The following HYCC2 variants were observed in gnomAD, a reference collection of about 807,000 sequenced individuals.
The protein encoded by HYCC2 is hyccin PI4KA lipid kinase complex subunit 2, also known as hyccin 2.
At chr2:201,047,138 G>GA in the HYCC2 span, among the ~76,000 whole-genome samples, 1 of 152,102 alleles carries the variant, frequency 6.6e-6, no homozygotes, top group Non-Finnish European at 1.5e-5. Flanking sequence ...CTCTAGAACC[G>GA]AAAAATACAA....
At chr2:201,020,181 T>G in the HYCC2 span, among the ~76,000 whole-genome samples, 44 of 152,196 alleles carry the variant, frequency 2.9e-4, no homozygotes, top group Admixed American at 5.9e-4. Flanking sequence ...TAAATGATTC[T>G]GACCTCCCTT....
At chr2:200,998,579 G>A in the HYCC2 span, among the ~76,000 whole-genome samples, 1 of 152,170 alleles carries the variant, frequency 6.6e-6, no homozygotes, top group Non-Finnish European at 1.5e-5. Context: ...GTCCAGCACG[G>A]TGTCTAATAC....
chr2:200,983,871 C>T, the HYCC2 span, among the ~76,000 whole-genome samples: 1 of 151,900 alleles, frequency 6.6e-6, no homozygotes, highest in Non-Finnish European at 1.5e-5. Flanking sequence ...ATCTGATGCC[C>T]AAGCAATATG....
the HYCC2 span, chr2:200,976,581 C>G: frequency 6.6e-6 from 1 of 152,152 alleles, no homozygotes; most frequent in Non-Finnish European, 1.5e-5. Flanking sequence ...AGAAGTTATT[C>G]TCAGTATTCC....
At chr2:201,004,975 C>A in the HYCC2 span, among the ~76,000 whole-genome samples, 2 of 148,374 alleles carry the variant, frequency 1.3e-5, no homozygotes, top group Non-Finnish European at 3.0e-5. Context: ...CGAGATCGTG[C>A]CACTGCACTC....
At chr2:200,983,058 A>C in the HYCC2 span, among the ~76,000 whole-genome samples, 5 of 152,246 alleles carry the variant, frequency 3.3e-5, no homozygotes, top group African/African-American at 1.2e-4. Flanking sequence ...GCGCCCGGCC[A>C]ACAACAGAAT....
the HYCC2 span, among the ~76,000 whole-genome samples, chr2:200,988,058 C>A: frequency 2.6e-5 from 4 of 151,914 alleles, no homozygotes; most frequent in Non-Finnish European, 5.9e-5. Flanking sequence ...TTGTTTTAAT[C>A]TTTATACAGC....
At chr2:201,069,392 A>G in the HYCC2 span, among the ~76,000 whole-genome samples, 1 of 152,126 alleles carries the variant, frequency 6.6e-6, no homozygotes. Flanking sequence ...TAACCACACT[A>G]TATGCTAATT....
At chr2:201,035,653 G>A in the HYCC2 span, among the ~76,000 whole-genome samples, 33 of 152,250 alleles carry the variant, frequency 2.2e-4, no homozygotes, top group African/African-American at 7.5e-4. Flanking sequence ...GAGGAGCTGC[G>A]TTCCTTTGGA....
At chr2:201,039,766 T>C in the HYCC2 span, among the ~76,000 whole-genome samples, 1 of 152,180 alleles carries the variant, frequency 6.6e-6, no homozygotes, top group African/African-American at 2.4e-5. Context: ...ATACCAAGTA[T>C]AGATGACTAC....
the HYCC2 span, among the ~76,000 whole-genome samples, chr2:201,000,231 C>T: frequency 3.3e-5 from 5 of 151,212 alleles, no homozygotes; most frequent in African/African-American, 1.2e-4. Context: ...TTTTAATTAG[C>T]GGGCCATGGT....
chr2:200,984,783 C>T, the HYCC2 span, among the ~76,000 whole-genome samples: 2 of 152,112 alleles, frequency 1.3e-5, no homozygotes, highest in African/African-American at 4.8e-5. Flanking sequence ...ACTCAGGAGG[C>T]AATGGTAGAA....
chr2:200,990,042 T>C, the HYCC2 span, among the ~76,000 whole-genome samples: 1 of 152,168 alleles, frequency 6.6e-6, no homozygotes, highest in Non-Finnish European at 1.5e-5. Context: ...ACTGTTTTTC[T>C]ACCTCATACA....
At chr2:200,985,932 A>G in the HYCC2 span, among the ~76,000 whole-genome samples, 4,331 of 152,278 alleles carry the variant, frequency 0.028, 217 homozygotes, top group African/African-American at 0.099. Context: ...GCAACTGTTG[A>G]TTAACATAGT....
the HYCC2 span, among the ~76,000 whole-genome samples, chr2:201,057,224 T>TA: frequency 6.6e-6 from 1 of 152,198 alleles, no homozygotes; most frequent in Admixed American, 6.5e-5. Flanking sequence ...ATGGAAGTGA[T>TA]AGTGTGTCAG....
the HYCC2 span, among the ~76,000 whole-genome samples, chr2:201,041,713 T>C: frequency 6.6e-6 from 1 of 152,180 alleles, no homozygotes; most frequent in Non-Finnish European, 1.5e-5. Context: ...CATTTTTGCA[T>C]TGCTCACTAC....
the HYCC2 span, among the ~76,000 whole-genome samples, chr2:201,029,928 T>TA: frequency 2.0e-5 from 3 of 151,218 alleles, no homozygotes; most frequent in East Asian, 1.9e-4. Context: ...TTAAAGCATA[T>TA]AAAAAAAAAT....
chr2:201,015,015 CAAAT>C, the HYCC2 span, among the ~76,000 whole-genome samples: 2 of 152,080 alleles, frequency 1.3e-5, no homozygotes, highest in African/African-American at 2.4e-5. Context: ...ACTTTTATGA[CAAAT>C]AACACTGTGG....
chr2:201,048,949 A>AAAAC, the HYCC2 span, among the ~76,000 whole-genome samples: 18 of 151,858 alleles, frequency 1.2e-4, no homozygotes, highest in African/African-American at 2.9e-4. Context: ...CATTATCTAC[A>AAAAC]AAACAAACAA....
Sources: gnomAD v4.1 joint callset for allele counts (sites outside exome capture counted in the v4.1 genomes callset) on GRCh38, gnomAD v4.1.1 for gene constraint, MANE v1.5 for transcripts, NCBI Gene and HGNC (gene_info 2026-07-23, HGNC 2026-07-21) for gene names.